Variants in NPAS3 observed in about 807,000 individuals in gnomAD.
NPAS3 encodes neuronal PAS domain protein 3, also known as neuronal PAS domain-containing protein 3.
A neutral mutation model predicts 73.1 loss-of-function variants in NPAS3; 14 were observed. The ratio of observed to expected loss-of-function variants is 0.19; its 90% CI spans 0.13 to 0.30. NPAS3 has a LOEUF of 0.30. Ranked by LOEUF, NPAS3 falls within the 10% of genes least tolerant of loss-of-function variation. The pLI is 1.00. For missense variants in NPAS3, 1,096 were observed against 1,250.0 expected, an observed-to-expected ratio of 0.88 and a Z score of 1.86; for synonymous variants, 620 against 541.5, an observed-to-expected ratio of 1.14 and a Z score of -2.01.
intron 3 of NPAS3, among the ~76,000 whole-genome samples, chr14:33,241,007 A>C (rs1197026802): frequency 6.6e-6 from 1 of 151,916 alleles, no homozygotes; most frequent in African/African-American, 2.4e-5. Flanking sequence ...CATGAGGCTA[A>C]CCTCAGCAGA....
intron 3 of NPAS3, among the ~76,000 whole-genome samples, chr14:33,338,206 G>A (rs2140301199): frequency 6.6e-6 from 1 of 152,222 alleles, no homozygotes; most frequent in Admixed American, 6.5e-5. Flanking sequence ...TGGCTTCTTA[G>A]ATATAAATTT....
intron 2 of NPAS3, among the ~76,000 whole-genome samples, chr14:33,085,929 T>A (rs1341652549): frequency 6.6e-6 from 1 of 152,190 alleles, no homozygotes; most frequent in African/African-American, 2.4e-5. Flanking sequence ...AAGTGTTAAT[T>A]ATTCACCTCA....
intron 2 of NPAS3, among the ~76,000 whole-genome samples, chr14:33,092,506 A>G (rs1301710161): frequency 6.6e-6 from 1 of 152,226 alleles, no homozygotes; most frequent in Non-Finnish European, 1.5e-5. Context: ...ATGGTCGTGG[A>G]TAGGAAGAAT....
At chr14:33,680,071 G>C (rs2059889566) in intron 6 of NPAS3, among the ~76,000 whole-genome samples, 1 of 152,150 alleles carries the variant, frequency 6.6e-6, no homozygotes, top group South Asian at 2.1e-4. Flanking sequence ...CGCAGTATGA[G>C]GAGCACAGAA....
chr14:33,021,915 A>G (rs2039611847), intron 1 of NPAS3, among the ~76,000 whole-genome samples: 1 of 152,184 alleles, frequency 6.6e-6, no homozygotes. Context: ...TATCCCATAA[A>G]ACTACATGTC....
chr14:32,985,508 TTATC>T (rs1053944383), intron 1 of NPAS3, among the ~76,000 whole-genome samples: 54 of 152,312 alleles, frequency 3.5e-4, no homozygotes, highest in African/African-American at 1.0e-3. Context: ...TGTAAATAAT[TTATC>T]TAATGCCAAA....
At chr14:33,266,083 T>C (rs923105164) in intron 3 of NPAS3, among the ~76,000 whole-genome samples, 7 of 151,972 alleles carry the variant, frequency 4.6e-5, no homozygotes, top group African/African-American at 9.7e-5. Flanking sequence ...GAAGCTAACA[T>C]TGCAGAATTG....
chr14:33,269,220 A>G (rs1045188947), intron 3 of NPAS3, among the ~76,000 whole-genome samples: 3 of 152,180 alleles, frequency 2.0e-5, no homozygotes, highest in African/African-American at 7.2e-5. Flanking sequence ...TCTGTTAAAT[A>G]CCCTCTGTCA....
chr14:33,042,036 T>G (rs1051823130), intron 1 of NPAS3, among the ~76,000 whole-genome samples: 1 of 152,134 alleles, frequency 6.6e-6, no homozygotes, highest in Admixed American at 6.6e-5. Flanking sequence ...TTAACTTCTA[T>G]GTTTATTAAA....
chr14:33,716,406 T>C (rs1303358280), intron 6 of NPAS3, among the ~76,000 whole-genome samples: 1 of 152,194 alleles, frequency 6.6e-6, no homozygotes, highest in Non-Finnish European at 1.5e-5. Context: ...TTTTCATCTG[T>C]TTTTTGTCTC....
intron 3 of NPAS3, among the ~76,000 whole-genome samples, chr14:33,249,706 T>C (rs2048512100): frequency 6.6e-6 from 1 of 152,090 alleles, no homozygotes; most frequent in African/African-American, 2.4e-5. Flanking sequence ...TACAGTTCAG[T>C]TTTGTCATCA....
chr14:33,570,695 T>C (rs2056171686), intron 5 of NPAS3, among the ~76,000 whole-genome samples: 1 of 152,172 alleles, frequency 6.6e-6, no homozygotes, highest in African/African-American at 2.4e-5. Context: ...CAACCTTGGC[T>C]GTAGCATACA....
chr14:33,126,493 G>A (rs2043430783), intron 2 of NPAS3, among the ~76,000 whole-genome samples: 1 of 152,094 alleles, frequency 6.6e-6, no homozygotes, highest in South Asian at 2.1e-4. Flanking sequence ...GCAGGGCTGG[G>A]GATGGGAGAT....
At position 33,717,433 on chromosome 14, in the gene NPAS3, T is replaced by C. The variant is rs535650579; in HGVS notation, c.734-17781T>C. The stretch of plus-strand genomic sequence containing the variant: ...CTGTTCAGAGCAGGGTGAAAGTGAA[T>C]ATTTCAGGGAAGTTCTGGATAATGC... On this transcript the variant is annotated intron_variant, in intron 6 of 11. Transcript: ENST00000356141. 8.5e-5 allele frequency among the ~76,000 whole-genome samples: 13 copies of C among 152,176 alleles called. 1 individual carries two copies. In the South Asian group the frequency reaches 1.9e-3, roughly 22 times the overall value.
chr14:33,784,244 T>TAACA (rs1461360165), intron 9 of NPAS3, among the ~76,000 whole-genome samples: 4 of 152,146 alleles, frequency 2.6e-5, no homozygotes, highest in Non-Finnish European at 5.9e-5. Flanking sequence ...CAAGTTTATC[T>TAACA]AACATTTGTG....
chr14:33,719,663 C>T (rs1053720585), intron 6 of NPAS3, among the ~76,000 whole-genome samples: 12 of 152,104 alleles, frequency 7.9e-5, no homozygotes, highest in African/African-American at 2.4e-4. Context: ...AACCAACAAA[C>T]CTGGTTCCAA....
intron 3 of NPAS3, among the ~76,000 whole-genome samples, chr14:33,314,268 T>C (rs2043120971): frequency 6.6e-6 from 1 of 152,136 alleles, no homozygotes; most frequent in South Asian, 2.1e-4. Flanking sequence ...TTCCAGAATT[T>C]GTTAATTACT....
At chr14:33,598,620 A>G (rs1251124846) in intron 5 of NPAS3, among the ~76,000 whole-genome samples, 6 of 152,226 alleles carry the variant, frequency 3.9e-5, no homozygotes, top group African/African-American at 1.2e-4. Flanking sequence ...TATTTTTAAA[A>G]CTATGCATTT....
At chr14:33,745,876 C>A (rs912674393) in intron 7 of NPAS3, among the ~76,000 whole-genome samples, 5 of 152,102 alleles carry the variant, frequency 3.3e-5, no homozygotes, top group African/African-American at 1.2e-4. Flanking sequence ...GAAGCACATA[C>A]CAAATGGTTT....
Sources: gnomAD v4.1 joint callset for allele counts (sites outside exome capture counted in the v4.1 genomes callset) on GRCh38, gnomAD v4.1.1 for gene constraint, MANE v1.5 for transcripts, NCBI Gene and HGNC (gene_info 2026-07-23, HGNC 2026-07-21) for gene names.